The following BFSP1 variants were observed in gnomAD, a reference collection of about 807,000 sequenced individuals.
BFSP1 encodes the protein filensin.
A neutral mutation model predicts 43.9 loss-of-function variants in BFSP1; 38 were observed. The ratio of observed to expected loss-of-function variants is 0.87; its 90% CI spans 0.67 to 1.14. The LOEUF (loss-of-function observed/expected upper bound fraction) is 1.14. Among genes scored for constraint, BFSP1 ranks in the 50% most tolerant of loss-of-function variants. The pLI, the probability that BFSP1 is intolerant of heterozygous loss-of-function variation, is 0.00. For synonymous variants in BFSP1, 352 were observed against 354.8 expected, an observed-to-expected ratio of 0.99 and a Z score of 0.09; for missense variants, 850 against 875.1, an observed-to-expected ratio of 0.97 and a Z score of 0.36.
chr20:17,538,284 T>C (rs541487017), intron 1 of BFSP1, among the ~76,000 whole-genome samples: 1 of 152,112 alleles, frequency 6.6e-6, no homozygotes, highest in Non-Finnish European at 1.5e-5. Flanking sequence ...AAATAATAGA[T>C]ATGCATTTAT....
upstream of BFSP1, among the ~76,000 whole-genome samples, chr20:17,561,858 T>C (rs2035069640): frequency 6.6e-6 from 1 of 152,186 alleles, no homozygotes; most frequent in African/African-American, 2.4e-5. Flanking sequence ...CCTAAGGTTA[T>C]AGGCCAAGCT....
At chr20:17,532,551 A>T (rs2034565379), upstream of BFSP1, among the ~76,000 whole-genome samples, 1 of 152,042 alleles carries the variant, frequency 6.6e-6, no homozygotes, top group East Asian at 1.9e-4. Flanking sequence ...CCTGGGCTCA[A>T]GTGATCCGCC....
chr20:17,513,672 T>C (rs75176655), intron 3 of BFSP1, among the ~76,000 whole-genome samples: 2,070 of 152,338 alleles, frequency 0.014, 54 homozygotes, highest in African/African-American at 0.048. Context: ...TGTTCCCACA[T>C]TGTCGTAGTT....
At chr20:17,539,105 CT>C (rs1156875265) in intron 1 of BFSP1, among the ~76,000 whole-genome samples, 5,932 of 63,612 alleles carry the variant, frequency 0.093, 31 homozygotes, top group African/African-American at 0.17. Context: ...ATTTCTTCTT[CT>C]TTTTTTTTTT....
chr20:17,508,091 C>T (rs1429643193), intron 5 of BFSP1, among the ~76,000 whole-genome samples: 3 of 152,200 alleles, frequency 2.0e-5, no homozygotes, highest in Non-Finnish European at 4.4e-5. Context: ...GTTTTGCTCT[C>T]TTGTCCCCAT....
chr20:17,568,458 C>A (rs1307829909), intron 1 of BFSP1, among the ~76,000 whole-genome samples: 2 of 108,542 alleles, frequency 1.8e-5, no homozygotes, highest in African/African-American at 5.0e-5. Context: ...CAGGAGGATA[C>A]AGGGGGGTTC....
chr20:17,548,180 C>CAAAAAAAAAA (rs11470598), intron 1 of BFSP1, among the ~76,000 whole-genome samples: 5 of 119,850 alleles, frequency 4.2e-5, no homozygotes, highest in African/African-American at 6.3e-5. Context: ...GAAAATAATG[C>CAAAAAAAAAA]AAAAAAAAAA....
Position 17,497,834 on chromosome 20 carries a change from A to T in BFSP1, c.957-811T>A, listed in dbSNP as rs1296287464. ...ATCAATTTAAAATTAGACCAAAATC[A>T]GAACTTATAGATAAATAAAAGAGGT... On this transcript the variant is annotated intron_variant, in intron 6 of 7. Transcript: ENST00000377873. Among the ~76,000 whole-genome samples, 3 of 152,092 alleles carry T rather than the reference A, an allele frequency of 2.0e-5. No individual in the cohort carries two copies. The East Asian group carries it at 5.8e-4, about 29-fold the overall frequency.
Position 17,531,369 on chromosome 20 carries a change from C to T in BFSP1, c.-40G>A, listed in dbSNP as rs1310845654. 7 of 1,327,116 alleles carry T rather than the reference C, an allele frequency of 5.3e-6. No individual in the cohort carries two copies. Among genetic ancestry groups the T allele is most frequent in the Non-Finnish European group, 6.7e-6 (7 of 1,043,930 alleles). The allele number at this position is 1,327,116 out of a possible 1,614,324, so 82.2% of individuals were successfully genotyped here. ...GGGCGCGCGGGCGGCGCCGAGCCGGCTCTCCAGGAGGCCCCCGGCGCAGCC... is the reference window on the plus strand; with the variant it reads ...GGGCGCGCGGGCGGCGCCGAGCCGGTTCTCCAGGAGGCCCCCGGCGCAGCC... On this transcript the variant is annotated 5_prime_UTR_variant, in exon 1 of 8. Transcript: ENST00000377873.
chr20:17,523,523 G>C (rs2034358130), intron 2 of BFSP1, among the ~76,000 whole-genome samples: 1 of 151,754 alleles, frequency 6.6e-6, no homozygotes, highest in African/African-American at 2.4e-5. Flanking sequence ...ACACTAATAA[G>C]GCCCAACTCC....
upstream of BFSP1, among the ~76,000 whole-genome samples, chr20:17,534,129 G>A (rs1006251146): frequency 2.0e-5 from 3 of 152,196 alleles, no homozygotes; most frequent in Non-Finnish European, 2.9e-5. Flanking sequence ...AGTAGAGATC[G>A]TATGCATAAG....
chr20:17,503,054 C>T (rs76624484), intron 5 of BFSP1, among the ~76,000 whole-genome samples: 8,514 of 152,218 alleles, frequency 0.056, 237 homozygotes, highest in Middle Eastern at 0.085. Context: ...GGCAGGGTCT[C>T]ACTCTATTGC....
At chr20:17,519,320 G>A (rs1025164693) in intron 2 of BFSP1, among the ~76,000 whole-genome samples, 1 of 152,212 alleles carries the variant, frequency 6.6e-6, no homozygotes, top group Non-Finnish European at 1.5e-5. Context: ...GTCCATGGAA[G>A]CCACTGTACT....
In BFSP1 at chr20:17,494,847, C is replaced by G; in HGVS notation, c.1225G>C (p.Glu409Gln). 1 of 1,614,238 alleles carries G rather than the reference C, an allele frequency of 6.2e-7. No homozygotes were observed. The highest frequency in any genetic ancestry group is 8.5e-7 in the Non-Finnish European group (1 of 1,180,042). ...TTACTTTCTGATTCAAACTTAGATT[C>G]ACTTTCCTCTTTAAGTACCACCTGT... ...LVQVVLKEESESKFESESKEV... is the reference protein window; with the variant it reads ...LVQVVLKEESQSKFESESKEV... The change falls in exon 8 of 8, where the codon GAA (glutamate) becomes CAA (glutamine). Residue 409 changes from glutamate (E) to glutamine (Q), a missense_variant. Glu to Gln is a conservative substitution (Grantham distance 29). Transcript: ENST00000377873.
rs114172719 is a variant in BFSP1 at position 17,546,090 on chromosome 20, G to T, written c.2+12598C>A. ...AAGACCACTGTATTAGTCCATTTTC[G>T]CACTGCTATAAAGAACTTCCCAAGG... On this transcript the variant is annotated intron_variant, in intron 1 of 7. Coordinates refer to the BFSP1 transcript ENST00000377868. Among the ~76,000 whole-genome samples, 1,134 of 152,120 alleles carry T rather than the reference G, an allele frequency of 7.5e-3. 16 individuals are homozygous for T. Among genetic ancestry groups the T allele is most frequent in the African/African-American group, 0.026 (1,090 of 41,496 alleles).
chr20:17,503,629 C>T (rs550998266), intron 5 of BFSP1, among the ~76,000 whole-genome samples: 21 of 152,290 alleles, frequency 1.4e-4, no homozygotes, highest in African/African-American at 5.1e-4. Flanking sequence ...CAGCAGGATT[C>T]GAATCTACCT....
chr20:17,501,524 C>T (rs2033800275), intron 5 of BFSP1, among the ~76,000 whole-genome samples: 2 of 73,776 alleles, frequency 2.7e-5, no homozygotes, highest in Admixed American at 2.9e-4. Flanking sequence ...CCACTGCACC[C>T]CAGACTGGGT....
chr20:17,567,781 A>C (rs1024524244), intron 1 of BFSP1, among the ~76,000 whole-genome samples: 14 of 151,916 alleles, frequency 9.2e-5, no homozygotes, highest in Admixed American at 6.6e-4. Context: ...GAATCGCTTG[A>C]ACCCGAGAGG....
intron 6 of BFSP1, among the ~76,000 whole-genome samples, chr20:17,497,455 T>TACACAC (rs750013080): frequency 8.1e-5 from 3 of 36,984 alleles, no homozygotes; most frequent in African/African-American, 5.8e-4. Flanking sequence ...TATGTATATA[T>TACACAC]ATATACACAC....
Sources: gnomAD v4.1 joint callset for allele counts (sites outside exome capture counted in the v4.1 genomes callset) on GRCh38, gnomAD v4.1.1 for gene constraint, MANE v1.5 for transcripts, NCBI Gene and HGNC (gene_info 2026-07-23, HGNC 2026-07-21) for gene names.